DPYD: variants seen among roughly 807,000 people sequenced by gnomAD.
DPYD encodes the protein dihydropyrimidine dehydrogenase.
DPYD carries 109 observed loss-of-function variants against 116.2 expected under a neutral mutation model. That is an observed-to-expected ratio of 0.94 (90% CI 0.80 to 1.10). The LOEUF (loss-of-function observed/expected upper bound fraction) is 1.10, where lower values mean the gene tolerates loss of function less well. Among genes scored for constraint, DPYD ranks in the 50% least tolerant of loss-of-function variants. The pLI is 0.00. For synonymous variants in DPYD, 440 were observed against 432.0 expected, an observed-to-expected ratio of 1.02 and a Z score of -0.23; for missense variants, 1,302 against 1,254.5, an observed-to-expected ratio of 1.04 and a Z score of -0.57.
intron 13 of DPYD, among the ~76,000 whole-genome samples, chr1:97,459,851 TTA>T (rs747838404): frequency 1.3e-5 from 2 of 152,102 alleles, no homozygotes; most frequent in Non-Finnish European, 2.9e-5. Flanking sequence ...GTGATTATGT[TTA>T]TATGAGGCAA....
At chr1:97,330,295 T>G (rs1346434505) in intron 16 of DPYD, among the ~76,000 whole-genome samples, 3 of 152,198 alleles carry the variant, frequency 2.0e-5, no homozygotes, top group Admixed American at 1.3e-4. Flanking sequence ...CTTGTTGTGG[T>G]TCATTGTTAT....
intron 18 of DPYD, among the ~76,000 whole-genome samples, chr1:97,287,644 TC>T (rs1665801584): frequency 6.6e-6 from 1 of 152,066 alleles, no homozygotes; most frequent in African/African-American, 2.4e-5. Flanking sequence ...CGAGCACCCC[TC>T]CCCCAGCCTC....
intron 8 of DPYD, among the ~76,000 whole-genome samples, chr1:97,629,458 ATCAT>A (rs941528300): frequency 6.6e-6 from 1 of 152,084 alleles, no homozygotes; most frequent in African/African-American, 2.4e-5. Flanking sequence ...TGAAGGGGGC[ATCAT>A]TCATCGTTTG....
chr1:97,819,693 C>T (rs539551348), intron 3 of DPYD, among the ~76,000 whole-genome samples: 11 of 151,890 alleles, frequency 7.2e-5, no homozygotes, highest in Non-Finnish European at 5.9e-5. Context: ...AATCAATTTG[C>T]TAATCTCAAA....
chr1:97,225,881 T>C (rs1232199830), intron 19 of DPYD, among the ~76,000 whole-genome samples: 1 of 152,088 alleles, frequency 6.6e-6, no homozygotes, highest in Non-Finnish European at 1.5e-5. Flanking sequence ...CATTTTGAGT[T>C]TGAGTTTCAG....
intron 3 of DPYD, among the ~76,000 whole-genome samples, chr1:97,780,769 T>C (rs1450721627): frequency 6.6e-6 from 1 of 152,212 alleles, no homozygotes; most frequent in African/African-American, 2.4e-5. Context: ...TACTATAAAC[T>C]GTATTGCATG....
intron 14 of DPYD, among the ~76,000 whole-genome samples, chr1:97,425,811 C>T (rs1171860227): frequency 6.6e-6 from 1 of 151,686 alleles, no homozygotes; most frequent in African/African-American, 2.4e-5. Flanking sequence ...TCATTAATGC[C>T]TTTTTCAGAA....
At chr1:97,737,196 C>T (rs1295412875) in intron 4 of DPYD, among the ~76,000 whole-genome samples, 4 of 151,938 alleles carry the variant, frequency 2.6e-5, no homozygotes, top group African/African-American at 9.7e-5. Context: ...TGTTTTAAAG[C>T]TTTGTTCTCT....
intron 12 of DPYD, among the ~76,000 whole-genome samples, chr1:97,543,019 C>T (rs1438575655): frequency 6.6e-6 from 1 of 152,138 alleles, no homozygotes; most frequent in Non-Finnish European, 1.5e-5. Context: ...CAATGGTATA[C>T]ACAACAAATA....
At chr1:97,602,973 C>T (rs1655357399) in intron 8 of DPYD, among the ~76,000 whole-genome samples, 1 of 151,926 alleles carries the variant, frequency 6.6e-6, no homozygotes, top group African/African-American at 2.4e-5. Context: ...CATTACTCTG[C>T]TTTATGGTAT....
At chr1:97,355,330 A>G (rs906156018) in intron 16 of DPYD, among the ~76,000 whole-genome samples, 1 of 152,174 alleles carries the variant, frequency 6.6e-6, no homozygotes, top group African/African-American at 2.4e-5. Context: ...TATGAATACA[A>G]TGTATACGTT....
chr1:97,739,790 C>G (rs530210473), intron 4 of DPYD, among the ~76,000 whole-genome samples: 56 of 152,046 alleles, frequency 3.7e-4, no homozygotes, highest in Admixed American at 1.5e-3. Flanking sequence ...CAACCATTCA[C>G]TTAGTGAATG....
intron 16 of DPYD, among the ~76,000 whole-genome samples, chr1:97,343,226 G>A (rs1057177781): frequency 3.9e-5 from 6 of 152,046 alleles, no homozygotes; most frequent in African/African-American, 1.4e-4. Context: ...TGATTTCAAT[G>A]TGACATTAAA....
chr1:97,448,269 T>A (rs549864473), intron 14 of DPYD, among the ~76,000 whole-genome samples: 122 of 152,250 alleles, frequency 8.0e-4, no homozygotes, highest in African/African-American at 2.9e-3. Context: ...ATGCACTGGA[T>A]CAGAACAGAA....
intron 20 of DPYD, among the ~76,000 whole-genome samples, chr1:97,117,679 A>G (rs1274221110): frequency 6.6e-6 from 1 of 152,060 alleles, no homozygotes; most frequent in East Asian, 1.9e-4. Flanking sequence ...TTGGTCTACA[A>G]TTTTCTGGGT....
At position 97,382,584 on chromosome 1, in the gene DPYD, G is replaced by T. The variant is rs56279424; in HGVS notation, c.1906-123C>A. On this transcript the variant is annotated intron_variant, in intron 14 of 22. Transcript: ENST00000370192. The stretch of plus-strand genomic sequence containing the variant: ...ATTATAAAATTAGTTTTCAAACTGT[G>T]AAAAAATAAATCATTAGAAAATAGC... 0.2 allele frequency: 106,804 copies of T among 534,586 alleles called. 11,511 individuals are homozygous for T. The highest frequency in any genetic ancestry group is 0.37 in the South Asian group (8,031 of 21,834). 33.1% of individuals were successfully genotyped at this position (534,586 alleles called of 1,614,324 possible).
intron 7 of DPYD, among the ~76,000 whole-genome samples, chr1:97,686,304 C>T (rs1003375948): frequency 2.0e-5 from 3 of 152,116 alleles, no homozygotes; most frequent in East Asian, 1.9e-4. Context: ...AGACCCCTTC[C>T]TTACACCTTA....
chr1:97,769,941 G>A (rs1165158403), intron 3 of DPYD, among the ~76,000 whole-genome samples: 1 of 152,166 alleles, frequency 6.6e-6, no homozygotes, highest in Non-Finnish European at 1.5e-5. Flanking sequence ...AAAACTTGGA[G>A]ACTGATTTAT....
chr1:97,161,029 C>T (rs1401812437), intron 20 of DPYD, among the ~76,000 whole-genome samples: 1 of 152,214 alleles, frequency 6.6e-6, no homozygotes, highest in Middle Eastern at 3.4e-3. Context: ...TTTGAGCCGG[C>T]GTTTTAGCAT....
Sources: allele counts gnomAD v4.1 joint callset (sites outside exome capture counted in the v4.1 genomes callset), GRCh38; gene constraint gnomAD v4.1.1; transcripts MANE v1.5; gene names NCBI Gene and HGNC (gene_info 2026-07-23, HGNC 2026-07-21).